Variants in CYB5R2 observed in about 807,000 individuals in gnomAD.
CYB5R2 encodes NADH-cytochrome b5 reductase 2.
In CYB5R2, 35 loss-of-function variants were observed where a neutral mutation model predicts 29.8. That is an observed-to-expected ratio of 1.17 (90% CI 0.90 to 1.56). CYB5R2 has a LOEUF of 1.56. Among genes scored for constraint, CYB5R2 ranks in the 40% most tolerant of loss-of-function variants. The pLI is 0.00. For missense variants in CYB5R2, 419 were observed against 346.7 expected, an observed-to-expected ratio of 1.21 and a Z score of -1.66; for synonymous variants, 169 against 130.6, an observed-to-expected ratio of 1.29 and a Z score of -2.01.
At position 7,666,497 on chromosome 11, in the gene CYB5R2, G is replaced by C. The variant is rs1015159318; in HGVS notation, c.612C>G (p.His204Gln). ...RKELEEIART[H>Q]PDQFNLWYTL... Reference sequence around the variant, plus strand: ...TGTACCACAGGTTGAACTGGTCTGGGTGAGTCCTGGCAATTTCTTCAAGCT... The same window carrying C: ...TGTACCACAGGTTGAACTGGTCTGGCTGAGTCCTGGCAATTTCTTCAAGCT... Residue 204 changes from histidine (H) to glutamine (Q), a missense_variant, in exon 8 of 9, where the codon CAC becomes CAG. Coordinates refer to ENST00000299498, the MANE Select transcript of CYB5R2 (RefSeq NM_016229.5). 6.2e-7 allele frequency: 1 copy of C among 1,613,428 alleles called. No individual in the cohort carries two copies. The highest frequency in any genetic ancestry group is 1.3e-5 in the African/African-American group (1 of 74,898).
Position 7,665,487 on chromosome 11 carries a change from G to C in CYB5R2, c.718C>G (p.Pro240Ala). Reference sequence around the variant, plus strand: ...ACCAGGATGAGCGTGGACTTCGCTGGAGGAGGAAGGTGCTCCTTGATCATG... The same window carrying C: ...ACCAGGATGAGCGTGGACTTCGCTGCAGGAGGAAGGTGCTCCTTGATCATG... ...ADMIKEHLPPPAKSTLILVCG... is the reference protein window; with the variant it reads ...ADMIKEHLPPAAKSTLILVCG... Residue 240 changes from proline (P) to alanine (A), a missense_variant, in exon 9 of 9, where the codon CCA (proline) becomes GCA (alanine). Pro to Ala is a conservative substitution (Grantham distance 27). Coordinates refer to ENST00000299498, the MANE Select transcript of CYB5R2 (RefSeq NM_016229.5). 6.2e-7 allele frequency: 1 copy of C among 1,613,960 alleles called. No homozygotes were observed. The highest frequency in any genetic ancestry group is 8.5e-7 in the Non-Finnish European group (1 of 1,179,940).
chr11:7,667,895 TC>T (rs1855422541), intron 6 of CYB5R2, 82 bp from the exon 7 acceptor site: 4 of 1,089,496 alleles, frequency 3.7e-6, no homozygotes, highest in Admixed American at 1.7e-5. Flanking sequence ...CTTCATACCT[TC>T]CCCCAGCCCA....
chr11:7,673,574 C>T (rs867058474), upstream of CYB5R2: 1 of 985,582 alleles, frequency 1.0e-6, no homozygotes, highest in Admixed American at 6.1e-5. Context: ...CTCCCCACGC[C>T]TCCCGCTCCG....
At chr11:7,666,055 C>A in intron 8 of CYB5R2, 2 of 742,640 alleles carry the variant, frequency 2.7e-6, no homozygotes, top group Admixed American at 2.1e-5. Flanking sequence ...GGGGGCTCAG[C>A]ATGTCCAGGT....
intron 7 of CYB5R2, chr11:7,667,137 T>G (rs1029304210): frequency 4.6e-5 from 7 of 152,212 alleles, no homozygotes; most frequent in African/African-American, 1.7e-4. Context: ...TCATTCCACT[T>G]CTGGGATTCT....
At chr11:7,673,928 C>T (rs1855928903), upstream of CYB5R2, 2 of 1,002,024 alleles carry the variant, frequency 2.0e-6, no homozygotes, top group Non-Finnish European at 2.4e-6. Context: ...CGAGAAGGGC[C>T]GTGGTCGGGG....
At chr11:7,670,901 G>A (rs1404596153) in intron 3 of CYB5R2, 1 of 151,048 alleles carries the variant, frequency 6.6e-6, no homozygotes, top group East Asian at 2.0e-4. Flanking sequence ...GTTTCTACTC[G>A]CTCAGAAACT....
At position 7,666,449 on chromosome 11, in the gene CYB5R2, A is replaced by C. The variant is rs1855230307; in HGVS notation, c.658+2T>G. The C allele has an allele frequency of 1.2e-6, 2 of 1,601,476 alleles. No individual in the cohort carries two copies. Among genetic ancestry groups the C allele is most frequent in the African/African-American group, 2.7e-5 (2 of 74,634 alleles). ...GGTGAGTGAGGGCAATGGATGTCGTACCAATGGGAGGCCTGTCCAGGGTGT... is the reference window on the plus strand; with the variant it reads ...GGTGAGTGAGGGCAATGGATGTCGTCCCAATGGGAGGCCTGTCCAGGGTGT... On this transcript the variant is annotated splice_donor_variant, in intron 8 of 8. Coordinates refer to ENST00000299498, the MANE Select transcript of CYB5R2 (RefSeq NM_016229.5). LOFTEE classifies it high-confidence loss of function.
At chr11:7,666,028 G>C (rs1037699876) in intron 8 of CYB5R2, 1 of 925,622 alleles carries the variant, frequency 1.1e-6, no homozygotes, top group Admixed American at 2.0e-5. Context: ...ATGCTGTCTG[G>C]GCTGCAGCAG....
At chr11:7,668,446 C>T (rs1318660560) in intron 6 of CYB5R2, 32 bp downstream of exon 6, 1 of 1,527,554 alleles carries the variant, frequency 6.5e-7, no homozygotes, top group Non-Finnish European at 9.1e-7. Flanking sequence ...TCGGGGCTCA[C>T]TCTCTGGATG....
Position 7,669,630 on chromosome 11 carries a change from T to C in CYB5R2, c.253A>G (p.Ile85Val), listed in dbSNP as rs1273533372. ...ATATGGTGGGCACTATTTACCTTTA[T>C]AATTAGGTCCACAAAGCCTCTGTCA... is the stretch of plus-strand genomic sequence containing the variant. Reference protein sequence around the residue: ...DDDRGFVDLIIKIYFKNVHPQ... With the variant: ...DDDRGFVDLIVKIYFKNVHPQ... The change falls in exon 4 of 9, where the codon ATA (isoleucine) becomes GTA (valine). Residue 85 changes from isoleucine to valine, a missense_variant. Physicochemically the swap from Ile to Val is conservative, Grantham distance 29. Coordinates refer to ENST00000299498, the MANE Select transcript of CYB5R2 (RefSeq NM_016229.5). 9 of 1,596,262 alleles carry C rather than the reference T, an allele frequency of 5.6e-6. No homozygotes were observed. Among genetic ancestry groups the C allele is most frequent in the African/African-American group, 2.7e-5 (2 of 74,082 alleles).
At chr11:7,672,980 A>G (rs1855853084) in intron 1 of CYB5R2, 89 bp from the exon 2 acceptor site, 1 of 1,253,114 alleles carries the variant, frequency 8.0e-7, no homozygotes, top group African/African-American at 1.5e-5. Flanking sequence ...CCCCACACCA[A>G]AGGCACAGGA....
In CYB5R2 at chr11:7,669,670, A is replaced by G; in HGVS notation, c.213T>C (p.Pro71=). 6.2e-7 allele frequency: 1 copy of G among 1,613,052 alleles called. No individual in the cohort carries two copies. The part of the protein sequence containing the change: ...DNELVVRAYT[P]VSSDDDRGFV... ...AGCCTCTGTCATCATCACTGGAGACAGGGGTGTAAGCCCTGACCACCAATT... is the reference window on the plus strand; with the variant it reads ...AGCCTCTGTCATCATCACTGGAGACGGGGGTGTAAGCCCTGACCACCAATT... Residue 71 remains proline, a synonymous_variant, in exon 4 of 9, where the codon CCT becomes CCC. Coordinates refer to ENST00000299498, the MANE Select transcript of CYB5R2 (RefSeq NM_016229.5).
intron 6 of CYB5R2, 40 bp downstream of exon 6, chr11:7,668,438 G>C (rs375776639): frequency 6.7e-7 from 1 of 1,488,110 alleles, no homozygotes; most frequent in South Asian, 1.1e-5. Context: ...AATGGGTCTC[G>C]GGGCTCACTC....
Position 7,669,188 on chromosome 11 carries a change from A to G in CYB5R2, c.388+17T>C, listed in dbSNP as rs1475661306. 3.1e-6 allele frequency: 5 copies of G among 1,613,994 alleles called. No individual in the cohort carries two copies. The highest frequency in any genetic ancestry group is 2.2e-5 in the East Asian group (1 of 44,898). On this transcript the variant is annotated intron_variant, in intron 5 of 8. Transcript: ENST00000299498. ...CTTCCTCCCAGCTGGGAGCCCAAGT[A>G]TTAACCCCTCCAGTACCTGGCCCAT...
chr11:7,669,363 A>G (rs1424338053), intron 4 of CYB5R2, 29 bp from the exon 5 acceptor site: 2 of 1,590,700 alleles, frequency 1.3e-6, no homozygotes, highest in South Asian at 2.3e-5. Context: ...CTGCTTTCAC[A>G]TTCCCAGACA....
upstream of CYB5R2, chr11:7,673,520 C>A (rs981768691): frequency 1.0e-6 from 1 of 985,654 alleles, no homozygotes; most frequent in Non-Finnish European, 1.2e-6. Context: ...GAATCCGAGC[C>A]GGCCCGCCCC....
At chr11:7,666,367 C>A in intron 8 of CYB5R2, 84 bp downstream of exon 8, 1 of 900,468 alleles carries the variant, frequency 1.1e-6, no homozygotes. Flanking sequence ...AAAACTAAAA[C>A]AAAACAAAGA....
At chr11:7,666,229 C>CTGAT (rs544081379) in intron 8 of CYB5R2, 74 of 593,074 alleles carry the variant, frequency 1.2e-4, no homozygotes, top group Middle Eastern at 8.9e-4. Flanking sequence ...TGAGGTGCTG[C>CTGAT]TGATGTATTA....
Sources: gnomAD v4.1 joint callset for allele counts on GRCh38, gnomAD v4.1.1 for gene constraint, MANE v1.5 for transcripts, NCBI Gene and HGNC (gene_info 2026-07-23, HGNC 2026-07-21) for gene names.